DOCK3: variants seen among roughly 807,000 people sequenced by gnomAD.
DOCK3 encodes the protein dedicator of cytokinesis protein 3.
Under a neutral mutation model 265.6 loss-of-function variants are expected in DOCK3, and 60 were observed. The observed-to-expected ratio is 0.23, with a 90% CI of 0.18 to 0.28. The LOEUF is 0.28. DOCK3 is among the 10% of genes least tolerant of loss of function. The pLI, the probability that DOCK3 is intolerant of heterozygous loss-of-function variation, is 1.00. For synonymous variants in DOCK3, 881 were observed against 938.0 expected (o/e 0.94, Z 1.11); for missense variants, 1,981 against 2,594.3 (o/e 0.76, Z 5.14).
At position 51,075,377 on chromosome 3, in the gene DOCK3, G is replaced by A. The variant is rs1290809514; in HGVS notation, c.486G>A (p.Val162=). Residue 162 remains valine (V), a synonymous_variant, in exon 7 of 53, where the codon GTG becomes GTA. Transcript: ENST00000266037. ...WGNEHLGLDL[V]PRKDFEVVDS... ...CTAGACATTTGGGCCTGGACCTGGTGCCTCGGAAGGACTTTGAAGTAGTGG... is the reference window on the plus strand; with the variant it reads ...CTAGACATTTGGGCCTGGACCTGGTACCTCGGAAGGACTTTGAAGTAGTGG... 6.2e-7 allele frequency: 1 copy of A among 1,611,088 alleles called. No homozygotes were observed. The highest frequency in any genetic ancestry group is 8.5e-7 in the Non-Finnish European group (1 of 1,178,828).
chr3:50,701,743 A>G (rs2036054311), intron 1 of DOCK3, among the ~76,000 whole-genome samples: 1 of 152,188 alleles, frequency 6.6e-6, no homozygotes, highest in Non-Finnish European at 1.5e-5. Flanking sequence ...ATTTTTGCGT[A>G]TGGTGAGAGA....
At chr3:50,971,700 C>T (rs1305483032) in intron 5 of DOCK3, among the ~76,000 whole-genome samples, 1 of 152,136 alleles carries the variant, frequency 6.6e-6, no homozygotes, top group African/African-American at 2.4e-5. Context: ...AGATAAAGGA[C>T]TTTATTTACC....
chr3:50,857,432 T>G (rs968362264), intron 3 of DOCK3, among the ~76,000 whole-genome samples: 7 of 152,130 alleles, frequency 4.6e-5, no homozygotes, highest in Non-Finnish European at 7.4e-5. Context: ...TTATTTCCTT[T>G]AGTTTGTGCA....
chr3:51,218,645 C>A lies in DOCK3; in HGVS notation c.1252+4398C>A, dbSNP rs1321949980. On this transcript the variant is annotated intron_variant, in intron 14 of 52. Coordinates refer to ENST00000266037, the MANE Select transcript of DOCK3 (RefSeq NM_004947.5). Reference sequence around the variant, plus strand: ...CAATGTTTTAACCTATTTTCTAAGACTTGAATTTCTAAGGTTATCATTGAT... The same window carrying A: ...CAATGTTTTAACCTATTTTCTAAGAATTGAATTTCTAAGGTTATCATTGAT... 2.6e-5 allele frequency among the ~76,000 whole-genome samples: 4 copies of A among 152,276 alleles called. No homozygotes were observed. In the East Asian group the frequency reaches 5.8e-4, roughly 22 times the overall value.
intron 12 of DOCK3, among the ~76,000 whole-genome samples, chr3:51,167,477 G>A (rs925064221): frequency 6.6e-6 from 1 of 152,104 alleles, no homozygotes; most frequent in Non-Finnish European, 1.5e-5. Context: ...TTCTATTCCT[G>A]TGAAAAATGT....
chr3:51,310,871 A>G lies in DOCK3; in HGVS notation c.3017+545A>G, dbSNP rs559311675. The stretch of plus-strand genomic sequence containing the variant: ...TGGCTCATCTGGTCTCTCTCTATTC[A>G]GCAGAAGGCTACTTGGCCTCCACAC... On this transcript the variant is annotated intron_variant, in intron 28 of 52. Coordinates refer to ENST00000266037, the MANE Select transcript of DOCK3 (RefSeq NM_004947.5). 8.5e-5 allele frequency among the ~76,000 whole-genome samples: 13 copies of G among 152,336 alleles called. No homozygotes were observed. In the South Asian group the frequency reaches 1.0e-3, roughly 12 times the overall value.
At chr3:50,881,581 G>T (rs2048025399) in intron 3 of DOCK3, among the ~76,000 whole-genome samples, 1 of 152,106 alleles carries the variant, frequency 6.6e-6, no homozygotes, top group South Asian at 2.1e-4. Flanking sequence ...CCTCTTCAAG[G>T]ATAACTACAA....
chr3:50,736,941 C>G (rs907567766), intron 1 of DOCK3, among the ~76,000 whole-genome samples: 13 of 152,098 alleles, frequency 8.5e-5, no homozygotes, highest in African/African-American at 3.1e-4. Flanking sequence ...ATCCACCCGC[C>G]TCGGCCTCCC....
chr3:51,019,454 G>C (rs1489377950), intron 5 of DOCK3, among the ~76,000 whole-genome samples: 1 of 151,826 alleles, frequency 6.6e-6, no homozygotes, highest in Non-Finnish European at 1.5e-5. Flanking sequence ...TTTATTTATA[G>C]ATTCTATTTT....
intron 9 of DOCK3, among the ~76,000 whole-genome samples, chr3:51,095,229 T>G (rs1047268013): frequency 1.3e-5 from 2 of 152,188 alleles, no homozygotes; most frequent in African/African-American, 4.8e-5. Flanking sequence ...TTTTGCCCAT[T>G]CGTTGATACA....
intron 5 of DOCK3, 55 bp from the exon 6 acceptor site, chr3:51,064,393 T>C: frequency 6.3e-7 from 1 of 1,598,416 alleles, no homozygotes; most frequent in Non-Finnish European, 8.6e-7. Context: ...CTTTTTCTTT[T>C]CATTCCTTTT....
At chr3:50,807,932 A>G (rs1403129320) in intron 2 of DOCK3, among the ~76,000 whole-genome samples, 2 of 152,130 alleles carry the variant, frequency 1.3e-5, no homozygotes, top group African/African-American at 4.8e-5. Flanking sequence ...AATTACTTTT[A>G]TAGAGATAGG....
At chr3:51,047,453 G>C (rs1349226091) in intron 5 of DOCK3, among the ~76,000 whole-genome samples, 8 of 29,762 alleles carry the variant, frequency 2.7e-4, no homozygotes, top group African/African-American at 6.7e-4. Flanking sequence ...ATAGAGAATG[G>C]AAAACAATAG....
intron 5 of DOCK3, among the ~76,000 whole-genome samples, chr3:50,941,953 G>A (rs1175898595): frequency 1.3e-5 from 2 of 152,038 alleles, no homozygotes; most frequent in Non-Finnish European, 2.9e-5. Flanking sequence ...TTATGGTGAT[G>A]GCACAGTTCT....
intron 5 of DOCK3, among the ~76,000 whole-genome samples, chr3:51,009,565 C>A (rs9681190): frequency 0.9 from 136,722 of 151,710 alleles, 61,799 homozygotes; most frequent in African/African-American, 0.95. Context: ...TTTCAAAAAA[C>A]CAGCTCCTGG....
intron 6 of DOCK3, among the ~76,000 whole-genome samples, chr3:51,074,980 G>C (rs773794982): frequency 1.7e-4 from 26 of 152,120 alleles, no homozygotes; most frequent in Non-Finnish European, 3.7e-4. Flanking sequence ...TCATCCTAAT[G>C]AAACTAATGC....
rs1458502336 is a variant in DOCK3 at position 51,136,244 on chromosome 3, T to A, written c.747-10305T>A. Reference sequence around the variant, plus strand: ...GGTGCCCCCCGCCACCTTTTTTTTTTTTTAGATGGAGTCTCGCTCGTCACC... The same window carrying A: ...GGTGCCCCCCGCCACCTTTTTTTTTATTTAGATGGAGTCTCGCTCGTCACC... On this transcript the variant is annotated intron_variant, in intron 9 of 52. Transcript: ENST00000266037. Among the ~76,000 whole-genome samples the A allele has an allele frequency of 2.0e-5, 3 of 151,902 alleles. No individual in the cohort carries two copies. The East Asian group carries it at 5.8e-4, about 29-fold the overall frequency.
intron 1 of DOCK3, among the ~76,000 whole-genome samples, chr3:50,691,008 C>T (rs562604827): frequency 2.0e-4 from 31 of 151,786 alleles, no homozygotes; most frequent in African/African-American, 6.5e-4. Context: ...TATGGCCGGG[C>T]GCGGTGGCTC....
At chr3:51,239,015 C>T (rs1025874863) in intron 21 of DOCK3, among the ~76,000 whole-genome samples, 5 of 152,110 alleles carry the variant, frequency 3.3e-5, no homozygotes, top group Non-Finnish European at 5.9e-5. Flanking sequence ...TCTGTTTTTA[C>T]GTCTTTGAGA....
Sources: gnomAD v4.1 joint callset for allele counts (sites outside exome capture counted in the v4.1 genomes callset) on GRCh38, gnomAD v4.1.1 for gene constraint, MANE v1.5 for transcripts, NCBI Gene and HGNC (gene_info 2026-07-23, HGNC 2026-07-21) for gene names.